DLEU7: variants seen among roughly 807,000 people sequenced by gnomAD.
DLEU7 encodes the protein leukemia-associated protein 7.
Under a neutral mutation model 16.0 loss-of-function variants are expected in DLEU7, and 17 were observed. That is an observed-to-expected ratio of 1.06 (90% CI 0.73 to 1.59). The LOEUF is 1.59. DLEU7 is among the 40% of genes most tolerant of loss of function. DLEU7 has a pLI of 0.00. For missense variants in DLEU7, 308 were observed against 314.9 expected (o/e 0.98, Z 0.17); for synonymous variants, 113 against 139.8 (o/e 0.81, Z 1.35).
At chr13:50,821,597 A>C (rs2137800329), downstream of DLEU7, among the ~76,000 whole-genome samples, 1 of 152,212 alleles carries the variant, frequency 6.6e-6, no homozygotes, top group East Asian at 1.9e-4. Flanking sequence ...GGGTTCATGG[A>C]GGGGGTGGTG....
intron 1 of DLEU7, among the ~76,000 whole-genome samples, chr13:50,787,176 G>A (rs550356373): frequency 1.3e-5 from 2 of 152,256 alleles, no homozygotes; most frequent in South Asian, 2.1e-4. Flanking sequence ...CCTTAAAACA[G>A]TGCCTGGCGT....
At chr13:50,715,831 G>C (rs984170434) in intron 1 of DLEU7, among the ~76,000 whole-genome samples, 8 of 152,224 alleles carry the variant, frequency 5.3e-5, no homozygotes, top group African/African-American at 1.9e-4. Flanking sequence ...CCCTACTGCT[G>C]TTCTGATGTG....
downstream of DLEU7, among the ~76,000 whole-genome samples, chr13:50,820,416 A>T (rs1027040219): frequency 6.6e-6 from 1 of 152,120 alleles, no homozygotes; most frequent in Non-Finnish European, 1.5e-5. Context: ...CAAGCAAGAG[A>T]ATGAATGTGA....
In DLEU7 at chr13:50,773,276, A is replaced by T. The variant is rs548807743; in HGVS notation, c.460-60036T>A. On this transcript the variant is annotated intron_variant, in intron 1 of 1. Transcript: ENST00000400393. ...TTCTGAAGCCTACTTTTGTTAACCCATCAAAGTCATTCTCTATCCAGCTTT... is the reference window on the plus strand; with the variant it reads ...TTCTGAAGCCTACTTTTGTTAACCCTTCAAAGTCATTCTCTATCCAGCTTT... 2.0e-5 allele frequency among the ~76,000 whole-genome samples: 3 copies of T among 152,280 alleles called. No homozygotes were observed. The South Asian group carries it at 6.2e-4, about 32-fold the overall frequency.
At chr13:50,733,456 T>C (rs959403628) in intron 1 of DLEU7, among the ~76,000 whole-genome samples, 24 of 152,194 alleles carry the variant, frequency 1.6e-4, no homozygotes, top group African/African-American at 5.3e-4. Flanking sequence ...GCCTGGTGGA[T>C]TCACGGATCT....
chr13:50,789,534 A>G (rs1280312635), intron 1 of DLEU7, among the ~76,000 whole-genome samples: 3 of 151,640 alleles, frequency 2.0e-5, no homozygotes, highest in Non-Finnish European at 2.9e-5. Flanking sequence ...ATACACACAC[A>G]TATATTTAGT....
At chr13:50,799,153 G>A (rs1876181118) in intron 1 of DLEU7, among the ~76,000 whole-genome samples, 1 of 152,158 alleles carries the variant, frequency 6.6e-6, no homozygotes. Context: ...CTTGGTTGGG[G>A]TAGGGCAGTG....
intron 1 of DLEU7, among the ~76,000 whole-genome samples, chr13:50,742,004 A>G (rs946736260): frequency 2.0e-5 from 3 of 152,206 alleles, no homozygotes; most frequent in African/African-American, 7.2e-5. Flanking sequence ...TCACATATAG[A>G]TGTTCACTTT....
chr13:50,751,890 GT>G (rs1269045455), intron 1 of DLEU7, among the ~76,000 whole-genome samples: 1 of 145,036 alleles, frequency 6.9e-6, no homozygotes, highest in Non-Finnish European at 1.5e-5. Flanking sequence ...CCAGCTTTTT[GT>G]TTCATTTATC....
chr13:50,721,825 G>A (rs914578446), intron 1 of DLEU7, among the ~76,000 whole-genome samples: 28 of 152,124 alleles, frequency 1.8e-4, no homozygotes, highest in East Asian at 1.9e-4. Context: ...CAGGAACAAC[G>A]TAACATCCAA....
chr13:50,728,357 G>A (rs1046229675), intron 1 of DLEU7, among the ~76,000 whole-genome samples: 1 of 152,174 alleles, frequency 6.6e-6, no homozygotes, highest in Non-Finnish European at 1.5e-5. Context: ...ATGTTAATAG[G>A]AGTTATGTGC....
Position 50,835,047 on chromosome 13 carries a change from G to A in DLEU7, c.459+8141C>T, listed in dbSNP as rs569633865. Among the ~76,000 whole-genome samples, 34 of 150,500 alleles carry A rather than the reference G, an allele frequency of 2.3e-4. 1 individual carries two copies. The East Asian group carries it at 6.3e-3, about 28-fold the overall frequency. On this transcript the variant is annotated intron_variant, in intron 1 of 1. Coordinates refer to ENST00000504404, the MANE Select transcript of DLEU7 (RefSeq NM_001306135.2). Reference sequence around the variant, plus strand: ...ATCACATACCGGGGCCTGTAGGGGGGTGGGGGGCTAGGGGAGGGATAGCAT... The same window carrying A: ...ATCACATACCGGGGCCTGTAGGGGGATGGGGGGCTAGGGGAGGGATAGCAT...
intron 1 of DLEU7, among the ~76,000 whole-genome samples, chr13:50,765,285 C>G (rs556582020): frequency 6.6e-6 from 1 of 152,202 alleles, no homozygotes; most frequent in South Asian, 2.1e-4. Context: ...GGCTTTTACT[C>G]CAATGACTCA....
chr13:50,827,981 A>G (rs1280521506), intron 1 of DLEU7, among the ~76,000 whole-genome samples: 1 of 152,178 alleles, frequency 6.6e-6, no homozygotes, highest in Non-Finnish European at 1.5e-5. Context: ...GCCAAAATAA[A>G]ACCAAAAAAA....
At chr13:50,723,521 G>C (rs1488251708) in intron 1 of DLEU7, among the ~76,000 whole-genome samples, 1 of 151,926 alleles carries the variant, frequency 6.6e-6, no homozygotes, top group East Asian at 1.9e-4. Flanking sequence ...TGTTTTTCAG[G>C]GTTCTGGAGG....
At chr13:50,737,978 A>C (rs1874126440) in intron 1 of DLEU7, among the ~76,000 whole-genome samples, 1 of 152,102 alleles carries the variant, frequency 6.6e-6, no homozygotes, top group African/African-American at 2.4e-5. Context: ...TAAAAGTGTT[A>C]CTCCAGTAAA....
intron 1 of DLEU7, among the ~76,000 whole-genome samples, chr13:50,730,067 C>T (rs7985170): frequency 0.024 from 3,691 of 151,806 alleles, 146 homozygotes; most frequent in African/African-American, 0.082. Flanking sequence ...AAATCATAAG[C>T]GAAAATATAT....
downstream of DLEU7, among the ~76,000 whole-genome samples, chr13:50,819,434 T>C (rs565177481): frequency 1.3e-5 from 2 of 152,270 alleles, no homozygotes; most frequent in Non-Finnish European, 2.9e-5. Flanking sequence ...CTAACGTTTT[T>C]TACTGTGGCT....
At chr13:50,821,883 C>T (rs545924787), downstream of DLEU7, among the ~76,000 whole-genome samples, 1 of 152,198 alleles carries the variant, frequency 6.6e-6, no homozygotes, top group African/African-American at 2.4e-5. Flanking sequence ...AAGGCATCGC[C>T]CCAGAATACA....
Sources: gnomAD v4.1 joint callset for allele counts (sites outside exome capture counted in the v4.1 genomes callset) on GRCh38, gnomAD v4.1.1 for gene constraint, MANE v1.5 for transcripts, NCBI Gene and HGNC (gene_info 2026-07-23, HGNC 2026-07-21) for gene names.